Variants in MEIKIN observed in about 807,000 individuals in gnomAD.
The protein encoded by MEIKIN is meiotic kinetochore factor, also known as meiosis-specific kinetochore protein.
At chr5:131,871,547 C>A (rs1320849165) in intron 9 of MEIKIN, among the ~76,000 whole-genome samples, 1 of 152,250 alleles carries the variant, frequency 6.6e-6, no homozygotes, top group East Asian at 1.9e-4. Flanking sequence ...GGCCTGCCTG[C>A]CTCTGTAGGC....
intron 8 of MEIKIN, among the ~76,000 whole-genome samples, chr5:131,886,563 T>C (rs1272824833): frequency 6.6e-6 from 1 of 152,102 alleles, no homozygotes; most frequent in Non-Finnish European, 1.5e-5. Context: ...GGCAAAAATA[T>C]CCTTTAAGCA....
intron 9 of MEIKIN, among the ~76,000 whole-genome samples, chr5:131,866,738 G>A (rs1317427559): frequency 2.0e-5 from 3 of 152,196 alleles, no homozygotes; most frequent in Admixed American, 2.0e-4. Context: ...GGAACTGACA[G>A]TATGCATGGA....
intron 8 of MEIKIN, among the ~76,000 whole-genome samples, chr5:131,906,500 C>A (rs1474812514): frequency 6.6e-6 from 1 of 152,040 alleles, no homozygotes; most frequent in Non-Finnish European, 1.5e-5. Context: ...TTTGACCCAG[C>A]AATCCCATTA....
chr5:131,844,289 A>C (rs1037417236), intron 11 of MEIKIN, among the ~76,000 whole-genome samples: 1 of 152,186 alleles, frequency 6.6e-6, no homozygotes, highest in Non-Finnish European at 1.5e-5. Flanking sequence ...CTTTCACCTA[A>C]AACAACAAAA....
At chr5:131,935,697 C>T (rs1253150003) in intron 4 of MEIKIN, among the ~76,000 whole-genome samples, 3 of 152,172 alleles carry the variant, frequency 2.0e-5, no homozygotes, top group African/African-American at 7.2e-5. Context: ...CCTATCTCTG[C>T]TCATCCATTA....
chr5:131,816,805 C>T lies in MEIKIN; in HGVS notation c.1099+1935G>A, dbSNP rs150578701. Among the ~76,000 whole-genome samples, 483 of 152,168 alleles carry T rather than the reference C, an allele frequency of 3.2e-3. 3 individuals are homozygous for T. Among genetic ancestry groups the T allele is most frequent in the African/African-American group, 0.011 (460 of 41,516 alleles). ...TGCTTTCTCCTTGAAAACTTCATAA[C>T]CTAAGGAATATGAAATATGAAAAGT... is the stretch of plus-strand genomic sequence containing the variant. On this transcript the variant is annotated intron_variant, in intron 12 of 12. Coordinates refer to ENST00000442687, the MANE Select transcript of MEIKIN (RefSeq NM_001303622.2).
At chr5:131,932,437 C>T (rs899025523) in intron 5 of MEIKIN, among the ~76,000 whole-genome samples, 2 of 152,158 alleles carry the variant, frequency 1.3e-5, no homozygotes, top group Admixed American at 6.5e-5. Flanking sequence ...TGGGGTTCCA[C>T]GAGAGAGGCA....
chr5:131,880,905 T>C (rs1750692487), intron 8 of MEIKIN, among the ~76,000 whole-genome samples: 2 of 152,218 alleles, frequency 1.3e-5, no homozygotes, highest in Non-Finnish European at 2.9e-5. Context: ...AGCACAAGCA[T>C]GAGCAATATT....
chr5:131,809,633 C>T (rs1487737901), intron 12 of MEIKIN, among the ~76,000 whole-genome samples: 1 of 151,940 alleles, frequency 6.6e-6, no homozygotes, highest in Non-Finnish European at 1.5e-5. Flanking sequence ...AGATGAAACC[C>T]TGTCTCTACT....
intron 7 of MEIKIN, among the ~76,000 whole-genome samples, chr5:131,913,634 G>A (rs182670472): frequency 6.6e-6 from 1 of 152,298 alleles, no homozygotes; most frequent in East Asian, 1.9e-4. Context: ...GTTTGGAGAT[G>A]AGTAATAAGC....
At chr5:131,936,542 T>C (rs763742138) in intron 4 of MEIKIN, among the ~76,000 whole-genome samples, 9 of 152,252 alleles carry the variant, frequency 5.9e-5, no homozygotes, top group South Asian at 2.1e-4. Flanking sequence ...ATTTTAAAAT[T>C]TGTTTTCTAA....
chr5:131,832,330 C>T (rs996936135), intron 11 of MEIKIN, among the ~76,000 whole-genome samples: 4 of 152,128 alleles, frequency 2.6e-5, no homozygotes, highest in African/African-American at 9.7e-5. Flanking sequence ...TTTTTTTTGA[C>T]TCCAGGTCTC....
intron 12 of MEIKIN, among the ~76,000 whole-genome samples, chr5:131,814,469 G>A (rs1352357208): frequency 6.6e-6 from 1 of 151,850 alleles, no homozygotes; most frequent in African/African-American, 2.4e-5. Flanking sequence ...TGAAGAGATG[G>A]TTTCACAATG....
intron 8 of MEIKIN, among the ~76,000 whole-genome samples, chr5:131,899,035 G>A (rs1345022859): frequency 1.3e-5 from 2 of 151,778 alleles, no homozygotes; most frequent in East Asian, 1.9e-4. Flanking sequence ...GCAGACCGGG[G>A]CTGTTCCTGT....
chr5:131,916,764 G>A (rs1386931952), intron 7 of MEIKIN, 122 bp downstream of exon 7: 1 of 383,808 alleles, frequency 2.6e-6, no homozygotes, highest in African/African-American at 2.1e-5. Context: ...CTGACACATA[G>A]TGAGTCCTCA....
At chr5:131,891,655 T>C (rs1580893397) in intron 8 of MEIKIN, among the ~76,000 whole-genome samples, 1 of 152,342 alleles carries the variant, frequency 6.6e-6, no homozygotes, top group East Asian at 1.9e-4. Context: ...CTGATGGGTC[T>C]TGACTCTTTA....
At chr5:131,819,008 C>G in intron 11 of MEIKIN, 145 bp from the exon 12 acceptor site, 1 of 377,478 alleles carries the variant, frequency 2.6e-6, no homozygotes, top group Non-Finnish European at 4.7e-6. Context: ...TACTCCACTC[C>G]TAACAGTAAT....
intron 11 of MEIKIN, among the ~76,000 whole-genome samples, chr5:131,849,240 G>A (rs767332140): frequency 3.9e-5 from 6 of 151,958 alleles, no homozygotes; most frequent in African/African-American, 1.4e-4. Flanking sequence ...TTCTAGTGGG[G>A]GAGTTATTGT....
chr5:131,867,088 T>A (rs142539762), intron 9 of MEIKIN, among the ~76,000 whole-genome samples: 1 of 152,240 alleles, frequency 6.6e-6, no homozygotes, highest in Non-Finnish European at 1.5e-5. Context: ...TCACTTTCCA[T>A]GGTCTTCAAC....
Sources: allele counts gnomAD v4.1 joint callset (sites outside exome capture counted in the v4.1 genomes callset), GRCh38; gene constraint gnomAD v4.1.1; transcripts MANE v1.5; gene names NCBI Gene and HGNC (gene_info 2026-07-23, HGNC 2026-07-21).